USP15: variants seen among roughly 807,000 people sequenced by gnomAD.
The protein encoded by USP15 is ubiquitin specific peptidase 15, also known as ubiquitin carboxyl-terminal hydrolase 15.
A neutral mutation model predicts 127.1 loss-of-function variants in USP15; 18 were observed. The ratio of observed to expected loss-of-function variants is 0.14; its 90% CI spans 0.10 to 0.21. The LOEUF (loss-of-function observed/expected upper bound fraction) is 0.21, where lower values mean the gene tolerates loss of function less well. Among genes scored for constraint, USP15 ranks in the 10% least tolerant of loss-of-function variants. The pLI is 1.00. For synonymous variants in USP15, 364 were observed against 393.7 expected (o/e 0.92, Z 0.89); for missense variants, 805 against 1,159.9 (o/e 0.69, Z 4.44).
chr12:62,353,369 G>A (rs1019850176), intron 7 of USP15, among the ~76,000 whole-genome samples: 2 of 152,002 alleles, frequency 1.3e-5, no homozygotes, highest in African/African-American at 4.8e-5. Flanking sequence ...GCAAAGAAGA[G>A]TAGAGCTTCC....
intron 18 of USP15, among the ~76,000 whole-genome samples, 194 bp from the exon 19 acceptor site, chr12:62,392,859 A>C (rs773647606): frequency 1.6e-4 from 25 of 152,156 alleles, no homozygotes; most frequent in Non-Finnish European, 3.4e-4. Flanking sequence ...ATTAATTTGT[A>C]ATGGTTTAAC....
intron 1 of USP15, among the ~76,000 whole-genome samples, chr12:62,263,094 G>C (rs562066080): frequency 2.6e-5 from 4 of 152,292 alleles, no homozygotes; most frequent in African/African-American, 7.2e-5. Context: ...GTATAAATTT[G>C]ATGATGAACT....
intron 8 of USP15, chr12:62,374,285 TA>T: frequency 1.4e-6 from 1 of 714,034 alleles, no homozygotes; most frequent in Non-Finnish European, 1.7e-6. Flanking sequence ...GCCATTTTTT[TA>T]AGGGTTGTGA....
intron 1 of USP15, chr12:62,277,615 C>CAA (rs1404122626): frequency 6.6e-6 from 1 of 151,792 alleles, no homozygotes; most frequent in Non-Finnish European, 1.5e-5. Context: ...AGGGTTGTCC[C>CAA]ATCTTTTGGC....
At chr12:62,335,062 T>G (rs908522827) in intron 6 of USP15, 1 of 1,099,634 alleles carries the variant, frequency 9.1e-7, no homozygotes, top group African/African-American at 1.6e-5. Flanking sequence ...CACGATATGT[T>G]ACACCTAGCC....
At chr12:62,348,392 A>G (rs1326084633) in intron 6 of USP15, among the ~76,000 whole-genome samples, 1 of 152,196 alleles carries the variant, frequency 6.6e-6, no homozygotes, top group African/African-American at 2.4e-5. Flanking sequence ...GTTCGTTAGC[A>G]TAATATTTAA....
intron 2 of USP15, among the ~76,000 whole-genome samples, chr12:62,297,501 T>C (rs542074608): frequency 3.3e-5 from 5 of 152,202 alleles, no homozygotes; most frequent in African/African-American, 1.2e-4. Flanking sequence ...GTTCCTCTAA[T>C]GTTCTGGTCT....
chr12:62,310,038 C>T (rs1299029010), intron 3 of USP15, among the ~76,000 whole-genome samples: 2 of 151,762 alleles, frequency 1.3e-5, no homozygotes, highest in African/African-American at 2.4e-5. Context: ...TTAGAAGGCA[C>T]GATTCTACAG....
chr12:62,327,172 T>C (rs1277479262), intron 6 of USP15, among the ~76,000 whole-genome samples: 3 of 151,868 alleles, frequency 2.0e-5, no homozygotes, highest in African/African-American at 7.3e-5. Flanking sequence ...AACTACAATG[T>C]ACCTTTTATA....
At chr12:62,379,911 A>G (rs2066937640) in intron 8 of USP15, among the ~76,000 whole-genome samples, 1 of 152,036 alleles carries the variant, frequency 6.6e-6, no homozygotes, top group Non-Finnish European at 1.5e-5. Context: ...AGAAACTGAA[A>G]CTCAAAAGGA....
intron 6 of USP15, among the ~76,000 whole-genome samples, chr12:62,331,555 C>G (rs2065302016): frequency 6.6e-6 from 1 of 152,142 alleles, no homozygotes; most frequent in African/African-American, 2.4e-5. Flanking sequence ...CACAAGTAGG[C>G]ACACGTGAAA....
intron 14 of USP15, 24 bp from the exon 15 acceptor site, chr12:62,390,840 G>T: frequency 6.4e-7 from 1 of 1,558,428 alleles, no homozygotes; most frequent in Non-Finnish European, 8.8e-7. Flanking sequence ...TACTGAACTT[G>T]TTTGATTTTT....
chr12:62,357,575 A>G (rs1272717074), intron 8 of USP15, among the ~76,000 whole-genome samples: 1 of 152,074 alleles, frequency 6.6e-6, no homozygotes, highest in Non-Finnish European at 1.5e-5. Context: ...TTTTGACAAA[A>G]ATTTTAGCAG....
rs370147836 is a variant in USP15, at chr12:62,308,036, G to A, written c.348+5116G>A. Among the ~76,000 whole-genome samples the A allele has an allele frequency of 3.9e-5, 6 of 152,042 alleles. No homozygotes were observed. The East Asian group carries it at 7.7e-4, about 20-fold the overall frequency. On this transcript the variant is annotated intron_variant, in intron 3 of 21. Transcript: ENST00000280377. The stretch of plus-strand genomic sequence containing the variant: ...GTGCGTAATTAATAAATTAAACTTC[G>A]TCATAGGTATGTATGTTTGTAAAGG...
chr12:62,401,155 T>C, intron 20 of USP15, 32 bp from the exon 21 acceptor site: 1 of 1,537,600 alleles, frequency 6.5e-7, no homozygotes, highest in Non-Finnish European at 8.9e-7. Context: ...CCAAGATCAT[T>C]TTCGTCACAG....
intron 8 of USP15, among the ~76,000 whole-genome samples, chr12:62,379,696 C>T (rs568827837): frequency 1.3e-5 from 2 of 152,100 alleles, no homozygotes; most frequent in East Asian, 1.9e-4. Flanking sequence ...ATATAAGAAG[C>T]GGAAAACTAT....
At chr12:62,361,596 T>G (rs1453223130) in intron 8 of USP15, among the ~76,000 whole-genome samples, 3 of 152,032 alleles carry the variant, frequency 2.0e-5, no homozygotes, top group Admixed American at 1.3e-4. Flanking sequence ...TAGGCTGAAG[T>G]ATCTTGTATC....
chr12:62,391,498 A>G, intron 16 of USP15, 69 bp downstream of exon 16: 1 of 1,550,058 alleles, frequency 6.5e-7, no homozygotes, highest in Non-Finnish European at 8.7e-7. Flanking sequence ...TTAGGTGAAA[A>G]CCATGAAATT....
intron 11 of USP15, among the ~76,000 whole-genome samples, chr12:62,386,742 C>T (rs1212785448): frequency 6.6e-6 from 1 of 152,034 alleles, no homozygotes; most frequent in East Asian, 1.9e-4. Flanking sequence ...CTAGGGAAGC[C>T]ATTAAAGACT....
Sources: allele counts gnomAD v4.1 joint callset (sites outside exome capture counted in the v4.1 genomes callset), GRCh38; gene constraint gnomAD v4.1.1; transcripts MANE v1.5; gene names NCBI Gene and HGNC (gene_info 2026-07-23, HGNC 2026-07-21).